Variants in MEAK7 observed in about 807,000 individuals in gnomAD.
MEAK7 encodes the protein MTOR associated protein MEAK7, also known as MTOR-associated protein MEAK7.
Under a neutral mutation model 40.5 loss-of-function variants are expected in MEAK7, and 68 were observed. The observed-to-expected ratio is 1.68, with a 90% CI of 1.38 to 2.06. MEAK7 has a LOEUF of 2.06. MEAK7 is among the 30% of genes most tolerant of loss of function. The pLI, the probability that MEAK7 is intolerant of heterozygous loss-of-function variation, is 0.00. For missense variants in MEAK7, 918 were observed against 580.5 expected, an observed-to-expected ratio of 1.58 and a Z score of -5.98; for synonymous variants, 338 against 231.9, an observed-to-expected ratio of 1.46 and a Z score of -4.16.
At chr16:84,486,388 A>C in intron 5 of MEAK7, 1 of 1,250,390 alleles carries the variant, frequency 8.0e-7, no homozygotes, top group Non-Finnish European at 1.0e-6. Flanking sequence ...TAGACCCGGC[A>C]CCGTGTAATA....
chr16:84,481,617 A>C (rs1912552130), intron 6 of MEAK7, among the ~76,000 whole-genome samples: 1 of 152,262 alleles, frequency 6.6e-6, no homozygotes, highest in African/African-American at 2.4e-5. Context: ...CTCTGCAGAA[A>C]CAGGGCTGGA....
At chr16:84,500,448 G>T (rs552369229) in intron 1 of MEAK7, among the ~76,000 whole-genome samples, 1 of 152,204 alleles carries the variant, frequency 6.6e-6, no homozygotes, top group African/African-American at 2.4e-5. Flanking sequence ...ACTAAAGCGA[G>T]TTATTTCTCC....
At chr16:84,494,101 A>G (rs1163935083) in intron 3 of MEAK7, among the ~76,000 whole-genome samples, 1 of 152,242 alleles carries the variant, frequency 6.6e-6, no homozygotes, top group African/African-American at 2.4e-5. Flanking sequence ...TCCTTAAGGA[A>G]AAGTTCTAGC....
chr16:84,497,365 A>C (rs1001223726), intron 2 of MEAK7: 48 of 1,225,578 alleles, frequency 3.9e-5, no homozygotes, highest in Admixed American at 8.0e-5. Flanking sequence ...TTGAATCTAA[A>C]ATGTGATTAT....
chr16:84,481,393 C>T (rs1412778605), intron 6 of MEAK7, among the ~76,000 whole-genome samples: 1 of 152,220 alleles, frequency 6.6e-6, no homozygotes, highest in Non-Finnish European at 1.5e-5. Context: ...CGGAGCCGCT[C>T]TCTCAGGGCC....
At chr16:84,489,088 G>A (rs190782276) in intron 4 of MEAK7, among the ~76,000 whole-genome samples, 190 bp downstream of exon 4, 652 of 152,202 alleles carry the variant, frequency 4.3e-3, no homozygotes, top group Non-Finnish European at 7.5e-3. Context: ...AATGGAAGTG[G>A]GGACATCCCT....
chr16:84,481,059 AG>A (rs3217343), intron 6 of MEAK7, among the ~76,000 whole-genome samples: 57,562 of 152,120 alleles, frequency 0.38, 11,727 homozygotes, highest in South Asian at 0.52. Context: ...AGTTAAGATA[AG>A]GGGAGAGGTG....
chr16:84,486,782 G>T lies in MEAK7; in HGVS notation c.807C>A (p.Leu269=), dbSNP rs533701937. 6.2e-7 allele frequency: 1 copy of T among 1,614,038 alleles called. No individual in the cohort carries two copies. The highest frequency in any genetic ancestry group is 8.5e-7 in the Non-Finnish European group (1 of 1,179,912). ...PREQRHRWCL[L]FSSELHGHSF... is the part of the protein sequence containing the mutation. ...TGTGTCCATGGAGCTCAGACGAAAA[G>T]AGCAGGCACCAGCGGTGCCGCTGCT... The change falls in exon 5 of 8, where the codon CTC becomes CTA. Residue 269 remains leucine (L), a synonymous_variant. Transcript: ENST00000343629.
At chr16:84,491,489 AGGTT>A (rs1913597606) in intron 3 of MEAK7, among the ~76,000 whole-genome samples, 1 of 140,204 alleles carries the variant, frequency 7.1e-6, no homozygotes, top group Admixed American at 7.6e-5. Flanking sequence ...TAGTGAGCTG[AGGTT>A]GTGCCACTGC....
intron 5 of MEAK7, 63 bp downstream of exon 5, chr16:84,486,568 C>G (rs1056199632): frequency 7.9e-6 from 12 of 1,522,048 alleles, no homozygotes; most frequent in African/African-American, 1.4e-5. Context: ...CACCCTCTCC[C>G]TTTCTCCAGA....
intron 3 of MEAK7, among the ~76,000 whole-genome samples, chr16:84,493,602 G>C (rs188709751): frequency 9.9e-5 from 15 of 152,224 alleles, no homozygotes; most frequent in Admixed American, 2.0e-4. Context: ...ATATACTCTA[G>C]TGAGCAAAAT....
chr16:84,502,445 G>A lies in MEAK7; in HGVS notation c.-26+2156C>T, dbSNP rs916241344. Among the ~76,000 whole-genome samples the A allele has an allele frequency of 2.6e-5, 4 of 152,188 alleles. No homozygotes were observed. In the East Asian group the frequency reaches 5.8e-4, roughly 22 times the overall value. ...CTGGCTTCTGAGGATGTAGGGCAGC[G>A]GAACAAAATGGAAGCGGAACTTGAT... On this transcript the variant is annotated intron_variant, in intron 1 of 7. Coordinates refer to ENST00000343629, the MANE Select transcript of MEAK7 (RefSeq NM_020947.4).
chr16:84,482,643 G>A lies in MEAK7; in HGVS notation c.1026C>T (p.Asn342=), dbSNP rs781618207. 1.4e-5 allele frequency: 23 copies of A among 1,614,128 alleles called. No homozygotes were observed. The South Asian group carries it at 1.4e-4, about 10-fold the overall frequency. Residue 342 remains asparagine (N), a synonymous_variant, in exon 6 of 8, where the codon AAC becomes AAT. Coordinates refer to ENST00000343629, the MANE Select transcript of MEAK7 (RefSeq NM_020947.4). ...CATGGTTCAAGTACATGTAGTGGTC[G>A]TTGTAGCCCGTGTGTGTGTACACAG... ...SMAVYTHTGY[N]DHYMYLNHGQ... is the part of the protein sequence containing the mutation.
At position 84,503,760 on chromosome 16, in the gene MEAK7, G is replaced by C. The variant is rs796528960; in HGVS notation, c.-26+841C>G. ...GGAAGGTTGCTCTGCCTCCGTGATG[G>C]AGGGGTGGACAGGGACCGATTGTCT... On this transcript the variant is annotated intron_variant, in intron 1 of 7. Coordinates refer to ENST00000343629, the MANE Select transcript of MEAK7 (RefSeq NM_020947.4). 4.6e-5 allele frequency among the ~76,000 whole-genome samples: 7 copies of C among 152,242 alleles called. 1 individual carries two copies. In the South Asian group the frequency reaches 1.5e-3, roughly 32 times the overall value.
chr16:84,482,080 C>A (rs1221081912), intron 6 of MEAK7, among the ~76,000 whole-genome samples: 4 of 152,198 alleles, frequency 2.6e-5, no homozygotes, highest in Non-Finnish European at 1.5e-5. Flanking sequence ...CCCACCCACT[C>A]CCTGCACCCG....
chr16:84,499,073 C>T (rs1187343641), intron 1 of MEAK7, among the ~76,000 whole-genome samples: 3 of 152,160 alleles, frequency 2.0e-5, no homozygotes, highest in Admixed American at 6.5e-5. Flanking sequence ...GATCCCGGCC[C>T]GTGAGCCTCA....
intron 3 of MEAK7, among the ~76,000 whole-genome samples, chr16:84,490,661 TG>T: frequency 7.6e-6 from 1 of 131,544 alleles, no homozygotes; most frequent in African/African-American, 3.3e-5. Flanking sequence ...AAGATGTGTG[TG>T]TGTGTGTGTG....
intron 5 of MEAK7, among the ~76,000 whole-genome samples, chr16:84,485,397 G>A (rs781295612): frequency 1.3e-4 from 20 of 152,182 alleles, no homozygotes; most frequent in Non-Finnish European, 1.9e-4. Context: ...ACCTATTCCA[G>A]CCAGATGCCA....
chr16:84,501,222 C>A (rs545639187), intron 1 of MEAK7, among the ~76,000 whole-genome samples: 1 of 151,812 alleles, frequency 6.6e-6, no homozygotes, highest in Non-Finnish European at 1.5e-5. Context: ...CACATTCCAG[C>A]TGAGTCTTCA....
Sources: allele counts gnomAD v4.1 joint callset (sites outside exome capture counted in the v4.1 genomes callset), GRCh38; gene constraint gnomAD v4.1.1; transcripts MANE v1.5; gene names NCBI Gene and HGNC (gene_info 2026-07-23, HGNC 2026-07-21).